CDK12: variants seen among roughly 807,000 people sequenced by gnomAD.
The protein encoded by CDK12 is cyclin-dependent kinase 12.
A neutral mutation model predicts 133.8 loss-of-function variants in CDK12; 17 were observed. The observed-to-expected ratio is 0.13, with a 90% CI of 0.09 to 0.19. CDK12 has a LOEUF of 0.19. CDK12 is among the 10% of genes least tolerant of loss of function. The pLI, the probability that CDK12 is intolerant of heterozygous loss-of-function variation, is 1.00. For missense variants in CDK12, 1,508 were observed against 1,818.7 expected, an observed-to-expected ratio of 0.83 and a Z score of 3.11; for synonymous variants, 694 against 683.6, an observed-to-expected ratio of 1.02 and a Z score of -0.24.
rs1329914608 is a variant in CDK12 at position 39,530,638 on chromosome 17, G to A, written c.3795G>A (p.Arg1265=). The A allele has an allele frequency of 4.4e-6, 7 of 1,605,354 alleles. No homozygotes were observed. The highest frequency in any genetic ancestry group is 6.0e-6 in the Non-Finnish European group (7 of 1,174,528). ...CPPHILPPEK[R]PPEPPGPPPP... ...CTCACATTCTTCCACCAGAGAAGAG[G>A]CCCCCTGAGCCCCCCGGACCTCCAC... Residue 1265 remains arginine, a synonymous_variant, in exon 14 of 14, where the codon AGG becomes AGA. Coordinates refer to ENST00000447079, the MANE Select transcript of CDK12 (RefSeq NM_016507.4).
intron 1 of CDK12, among the ~76,000 whole-genome samples, chr17:39,467,179 A>G (rs1230343637): frequency 2.0e-5 from 3 of 151,878 alleles, no homozygotes; most frequent in Non-Finnish European, 2.9e-5. Flanking sequence ...GGGTTTCACC[A>G]TGTTGGCCAG....
chr17:39,490,097 T>TAC (rs1428570819), intron 2 of CDK12, among the ~76,000 whole-genome samples: 5 of 151,794 alleles, frequency 3.3e-5, no homozygotes, highest in Non-Finnish European at 5.9e-5. Context: ...CCAGGCATGG[T>TAC]GGCTCACGCC....
At chr17:39,522,803 A>G (rs2054263036) in intron 11 of CDK12, among the ~76,000 whole-genome samples, 1 of 152,096 alleles carries the variant, frequency 6.6e-6, no homozygotes, top group Admixed American at 6.5e-5. Context: ...CTGTAATCCC[A>G]GCACTTTGGG....
upstream of CDK12, chr17:39,544,096 T>C (rs1315147934): frequency 4.8e-6 from 2 of 419,964 alleles, no homozygotes; most frequent in Admixed American, 5.0e-5. Context: ...TGAATCCTTC[T>C]GGGGAATTCA....
At chr17:39,506,212 A>ATTTTTTT (rs1177367409) in intron 6 of CDK12, among the ~76,000 whole-genome samples, 3 of 119,774 alleles carry the variant, frequency 2.5e-5, no homozygotes, top group African/African-American at 7.2e-5. Flanking sequence ...TGATTATATG[A>ATTTTTTT]TTTTTTTTTT....
chr17:39,495,954 C>T (rs1000073636), intron 5 of CDK12, among the ~76,000 whole-genome samples: 3 of 152,000 alleles, frequency 2.0e-5, no homozygotes, highest in Admixed American at 6.6e-5. Context: ...CTCTCTCACC[C>T]AGGCTGGAGT....
In CDK12 at chr17:39,462,063, G is replaced by A. The variant is rs781216545; in HGVS notation, c.-9G>A. The A allele has an allele frequency of 8.7e-6, 14 of 1,611,226 alleles. No homozygotes were observed. In the African/African-American group the frequency reaches 1.3e-4, roughly 15 times the overall value. On this transcript the variant is annotated 5_prime_UTR_variant, in exon 1 of 14. Transcript: ENST00000447079. ...ACTTTTTTCCCTTCTTCAGGTCAGG[G>A]GAAAGGGAATGCCCAATTCAGAGAG...
intron 2 of CDK12, chr17:39,551,166 A>G (rs1370016899): frequency 2.0e-5 from 3 of 152,094 alleles, no homozygotes; most frequent in Admixed American, 1.3e-4. Flanking sequence ...GGGGGAGGAA[A>G]GTCAAGGGAA....
chr17:39,556,212 C>T (rs1488340328), intron 2 of CDK12: 1 of 152,414 alleles, frequency 6.6e-6, no homozygotes, highest in Non-Finnish European at 1.5e-5. Context: ...GTTCCCTATG[C>T]TTTTCTCTCT....
rs1210129567 is a variant in CDK12 at position 39,533,703 on chromosome 17, A to G, written c.*2387A>G. ...TGAGTGTATGTGTGAGTGTATGTGT[A>G]TGTATGATCCCATCTCACCCCCACC... On this transcript the variant is annotated 3_prime_UTR_variant, in exon 14 of 14. Coordinates refer to ENST00000447079, the MANE Select transcript of CDK12 (RefSeq NM_016507.4). 2 of 232,622 alleles carry G rather than the reference A, an allele frequency of 8.6e-6. No homozygotes were observed. The highest frequency in any genetic ancestry group is 6.0e-5 in the East Asian group (1 of 16,626). 14.4% of individuals were successfully genotyped at this position (232,622 alleles called of 1,614,324 possible). A position where few individuals can be genotyped will look rare whatever the true frequency, so the allele number is the denominator to read the frequency against.
chr17:39,523,022 C>T (rs2054277847), intron 11 of CDK12, among the ~76,000 whole-genome samples: 1 of 151,742 alleles, frequency 6.6e-6, no homozygotes, highest in South Asian at 2.1e-4. Context: ...CAGTGCATTC[C>T]TGCCTAGACC....
At chr17:39,536,262 G>T (rs1292509280), downstream of CDK12, among the ~76,000 whole-genome samples, 1 of 152,136 alleles carries the variant, frequency 6.6e-6, no homozygotes, top group Non-Finnish European at 1.5e-5. Context: ...GGTATTGATT[G>T]CTTAACCCTA....
chr17:39,555,109 G>A (rs1409482407), intron 2 of CDK12, among the ~76,000 whole-genome samples: 1 of 151,790 alleles, frequency 6.6e-6, no homozygotes, highest in Non-Finnish European at 1.5e-5. Flanking sequence ...GCCGGGCATG[G>A]TGGCAGGCTC....
In CDK12 at chr17:39,532,218, A is replaced by G. The variant is rs1336756035; in HGVS notation, c.*902A>G. The G allele has an allele frequency of 1.7e-5, 4 of 233,042 alleles. No homozygotes were observed. The highest frequency in any genetic ancestry group is 3.4e-5 in the Non-Finnish European group (4 of 118,018). The allele number at this position is 233,042 out of a possible 1,614,324, so 14.4% of individuals were successfully genotyped here. On this transcript the variant is annotated 3_prime_UTR_variant, in exon 14 of 14. Transcript: ENST00000447079. Reference sequence around the variant, plus strand: ...GGAAAAAATCGTTGAGATGCCCAAGAACCTGGGATAATTCTTTACTTTTTT... The same window carrying G: ...GGAAAAAATCGTTGAGATGCCCAAGGACCTGGGATAATTCTTTACTTTTTT...
At chr17:39,467,965 C>T (rs1422335786) in intron 1 of CDK12, among the ~76,000 whole-genome samples, 2 of 151,624 alleles carry the variant, frequency 1.3e-5, no homozygotes, top group Admixed American at 6.6e-5. Context: ...GTGATCTTGG[C>T]TTACTGCAAC....
intron 2 of CDK12, among the ~76,000 whole-genome samples, chr17:39,552,901 G>A (rs955979799): frequency 2.0e-5 from 3 of 152,076 alleles, no homozygotes; most frequent in African/African-American, 7.2e-5. Context: ...GCTAATTTTT[G>A]TATTTTTAGT....
At chr17:39,545,620 T>C (rs1249614531), upstream of CDK12, among the ~76,000 whole-genome samples, 1 of 149,330 alleles carries the variant, frequency 6.7e-6, no homozygotes, top group East Asian at 2.0e-4. Flanking sequence ...TGTCTCAGCC[T>C]CCTGAGCAGC....
intron 8 of CDK12, among the ~76,000 whole-genome samples, chr17:39,512,232 G>C (rs1399812858): frequency 6.6e-6 from 1 of 152,066 alleles, no homozygotes; most frequent in Non-Finnish European, 1.5e-5. Context: ...TGTGACTACA[G>C]GCGTATGTTG....
chr17:39,484,836 A>T (rs535580316), intron 2 of CDK12, among the ~76,000 whole-genome samples: 2 of 152,266 alleles, frequency 1.3e-5, no homozygotes, highest in Admixed American at 1.3e-4. Context: ...ATGCTCATCC[A>T]GTATAATGCA....
Sources: allele counts gnomAD v4.1 joint callset (sites outside exome capture counted in the v4.1 genomes callset), GRCh38; gene constraint gnomAD v4.1.1; transcripts MANE v1.5; gene names NCBI Gene and HGNC (gene_info 2026-07-23, HGNC 2026-07-21).